Variants in ANO1 observed in about 807,000 individuals in gnomAD.
ANO1 encodes the protein anoctamin-1.
In ANO1, 59 loss-of-function variants were observed where a neutral mutation model predicts 124.0. The ratio of observed to expected loss-of-function variants is 0.48; its 90% CI spans 0.39 to 0.59. The LOEUF is 0.59. ANO1 is among the 20% of genes least tolerant of loss of function. ANO1 has a pLI of 0.00. For missense variants in ANO1, 1,059 were observed against 1,328.0 expected, an observed-to-expected ratio of 0.80 and a Z score of 3.15; for synonymous variants, 529 against 532.0, an observed-to-expected ratio of 0.99 and a Z score of 0.08.
At chr11:70,059,804 T>G (rs910498696) in intron 1 of ANO1, among the ~76,000 whole-genome samples, 13 of 152,144 alleles carry the variant, frequency 8.5e-5, no homozygotes, top group African/African-American at 3.1e-4. Flanking sequence ...GAATTTTCCA[T>G]GATCGAAGGA....
At chr11:70,097,428 A>G (rs1439544200) in intron 2 of ANO1, among the ~76,000 whole-genome samples, 2 of 152,238 alleles carry the variant, frequency 1.3e-5, no homozygotes, top group African/African-American at 4.8e-5. Context: ...GGACGTGATC[A>G]GCAGTAACTG....
chr11:69,990,986 C>T lies in ANO1; in HGVS notation c.58+4820C>T, dbSNP rs77127560. 4.1e-3 allele frequency among the ~76,000 whole-genome samples: 624 copies of T among 152,284 alleles called. 2 individuals are homozygous for T. The highest frequency in any genetic ancestry group is 6.4e-3 in the Non-Finnish European group (432 of 68,024). On this transcript the variant is annotated intron_variant, in intron 1 of 27. Coordinates refer to the ANO1 transcript ENST00000531349. ...ATTTTCATGAAGCCCAACTTACCTA[C>T]GTTTTCTTTTGTTGCTCATGCTTTT...
intron 10 of ANO1, 122 bp from the exon 11 acceptor site, chr11:70,131,797 C>T: frequency 8.3e-7 from 1 of 1,210,056 alleles, no homozygotes; most frequent in Non-Finnish European, 1.1e-6. Flanking sequence ...TGGCATGGAC[C>T]TGAGGGACCC....
At chr11:69,976,160 G>C in the ANO1 span, among the ~76,000 whole-genome samples, 2 of 152,124 alleles carry the variant, frequency 1.3e-5, no homozygotes, top group African/African-American at 4.8e-5. Context: ...TAACCTCCAG[G>C]ACCTCAGCAT....
At chr11:70,109,873 G>A (rs1183763634) in intron 6 of ANO1, among the ~76,000 whole-genome samples, 1 of 152,034 alleles carries the variant, frequency 6.6e-6, no homozygotes, top group East Asian at 1.9e-4. Context: ...TGCACCTGGT[G>A]ACGGGGCAGA....
the ANO1 span, among the ~76,000 whole-genome samples, chr11:69,968,541 G>A: frequency 1.3e-5 from 2 of 152,340 alleles, no homozygotes; most frequent in South Asian, 4.1e-4. Context: ...AGGAGCCCTC[G>A]AATGACTCCG....
chr11:69,967,387 T>G, the ANO1 span, among the ~76,000 whole-genome samples: 921 of 151,560 alleles, frequency 6.1e-3, 16 homozygotes, highest in African/African-American at 0.021. Context: ...TCAGCCATGA[T>G]GCACCTGAGC....
chr11:70,158,004 CTGTTTA>C, intron 16 of ANO1, among the ~76,000 whole-genome samples: 1 of 148,200 alleles, frequency 6.7e-6, no homozygotes, highest in Non-Finnish European at 1.5e-5. Flanking sequence ...AAAAAAAAAC[CTGTTTA>C]TGTTTATTTT....
intron 11 of ANO1, among the ~76,000 whole-genome samples, chr11:70,145,337 T>C (rs1427019967): frequency 8.5e-5 from 13 of 152,132 alleles, no homozygotes; most frequent in Admixed American, 6.5e-4. Context: ...TGTGGCCAAG[T>C]GGAAAGGTAT....
At chr11:70,147,962 C>T (rs996718489) in intron 11 of ANO1, among the ~76,000 whole-genome samples, 2 of 152,172 alleles carry the variant, frequency 1.3e-5, no homozygotes, top group African/African-American at 2.4e-5. Context: ...GACCTGGGGT[C>T]GGCGGGGGGT....
At chr11:70,005,061 C>T (rs1554999864) in intron 1 of ANO1, among the ~76,000 whole-genome samples, 1 of 145,418 alleles carries the variant, frequency 6.9e-6, no homozygotes, top group African/African-American at 2.5e-5. Flanking sequence ...TGCAGTGAGC[C>T]GAGATCGTGC....
chr11:70,117,231 C>A (rs898873214), intron 8 of ANO1, among the ~76,000 whole-genome samples: 6 of 151,154 alleles, frequency 4.0e-5, no homozygotes, highest in Admixed American at 1.3e-4. Flanking sequence ...CCAGCAGGCC[C>A]AGATGATTTT....
intron 1 of ANO1, among the ~76,000 whole-genome samples, chr11:70,058,715 G>GT (rs1246168611): frequency 6.6e-6 from 1 of 152,230 alleles, no homozygotes; most frequent in Non-Finnish European, 1.5e-5. Context: ...AGGGCAAGAA[G>GT]TAAAAGTACT....
chr11:70,168,509 T>C (rs920161402), intron 21 of ANO1, among the ~76,000 whole-genome samples: 2 of 151,838 alleles, frequency 1.3e-5, no homozygotes, highest in Admixed American at 6.6e-5. Context: ...GACGGCAGCC[T>C]CACCCTCTCT....
intron 11 of ANO1, among the ~76,000 whole-genome samples, chr11:70,134,822 G>A (rs761827279): frequency 6.6e-6 from 1 of 152,214 alleles, no homozygotes. Context: ...AAGCTGCAGC[G>A]TAGGTTTCAA....
chr11:70,082,421 A>G (rs921547937), intron 1 of ANO1, among the ~76,000 whole-genome samples: 1 of 152,196 alleles, frequency 6.6e-6, no homozygotes, highest in Non-Finnish European at 1.5e-5. Flanking sequence ...TTAACCAGGC[A>G]TGGTGGTATG....
chr11:70,008,776 C>T (rs1381575341), intron 1 of ANO1, among the ~76,000 whole-genome samples: 1 of 152,116 alleles, frequency 6.6e-6, no homozygotes. Flanking sequence ...ACCATGGACA[C>T]CTTACAAAGA....
At chr11:70,135,777 C>G (rs1055817564) in intron 11 of ANO1, among the ~76,000 whole-genome samples, 2 of 152,208 alleles carry the variant, frequency 1.3e-5, no homozygotes, top group African/African-American at 4.8e-5. Flanking sequence ...AGAAAGAAGC[C>G]GTCTTGGGCT....
chr11:70,095,406 G>GAA lies in ANO1; in HGVS notation c.441+7324_441+7325dup, dbSNP rs1380688571. Among the ~76,000 whole-genome samples the GAA allele has an allele frequency of 1.5e-3, 77 of 50,686 alleles. 7 individuals are homozygous for GAA. Among genetic ancestry groups the GAA allele is most frequent in the African/African-American group, 3.8e-3 (70 of 18,548 alleles). 33.3% of individuals were successfully genotyped at this position (50,686 alleles called of 152,430 possible). On this transcript the variant is annotated intron_variant, in intron 2 of 25. Transcript: ENST00000355303. ...AGAAAGAAAGAAAGAAAGAAAGAAA[G>GAA]AAAGAAAGAAAGAAAGAAAGAAAAG...
Sources: allele counts gnomAD v4.1 joint callset (sites outside exome capture counted in the v4.1 genomes callset), GRCh38; gene constraint gnomAD v4.1.1; transcripts MANE v1.5; gene names NCBI Gene and HGNC (gene_info 2026-07-23, HGNC 2026-07-21).